Variants in AGMO observed in about 807,000 individuals in gnomAD.
AGMO encodes the protein alkylglycerol monooxygenase, also known as glyceryl-ether monooxygenase.
Under a neutral mutation model 60.2 loss-of-function variants are expected in AGMO, and 75 were observed. The ratio of observed to expected loss-of-function variants is 1.25; its 90% confidence interval spans 1.03 to 1.51. The LOEUF (loss-of-function observed/expected upper bound fraction) is 1.51. Ranked by LOEUF, AGMO falls within the 40% of genes most tolerant of loss-of-function variation. AGMO has a pLI of 0.00. For synonymous variants in AGMO, 261 were observed against 177.1 expected, an observed-to-expected ratio of 1.47 and a Z score of -3.76; for missense variants, 763 against 525.5, an observed-to-expected ratio of 1.45 and a Z score of -4.42.
At chr7:15,555,494 A>G (rs1026948774) in intron 2 of AGMO, among the ~76,000 whole-genome samples, 8 of 151,778 alleles carry the variant, frequency 5.3e-5, no homozygotes, top group African/African-American at 1.9e-4. Context: ...TTGCTTGGTA[A>G]TAATAAGAAA....
intron 3 of AGMO, among the ~76,000 whole-genome samples, chr7:15,474,859 C>A (rs867989589): frequency 3.3e-4 from 50 of 150,622 alleles, no homozygotes; most frequent in Admixed American, 7.3e-4. Context: ...ATAAAAAAAA[C>A]AACCCCATCA....
chr7:15,531,349 A>G (rs1240196761), intron 3 of AGMO, among the ~76,000 whole-genome samples: 5 of 77,020 alleles, frequency 6.5e-5, no homozygotes, highest in Admixed American at 1.8e-4. Context: ...TATATATTCT[A>G]TATATATTCT....
In AGMO at chr7:15,433,778, G is replaced by A. The variant is rs367881764; in HGVS notation, c.410-2670C>T. ...AAAATTATAGATTATATTAATATAT[G>A]TATATGTTATTATAATTTTTCCATG... On this transcript the variant is annotated intron_variant, in intron 3 of 12. Transcript: ENST00000342526. Among the ~76,000 whole-genome samples, 809 of 150,816 alleles carry A rather than the reference G, an allele frequency of 5.4e-3. 9 individuals are homozygous for A. Among genetic ancestry groups the A allele is most frequent in the African/African-American group, 0.019 (769 of 41,194 alleles).
the AGMO span, among the ~76,000 whole-genome samples, chr7:15,131,828 A>C: frequency 3.3e-5 from 5 of 151,792 alleles, no homozygotes; most frequent in African/African-American, 1.2e-4. Context: ...CATGGAAGCC[A>C]AAAGGAGACA....
intron 12 of AGMO, among the ~76,000 whole-genome samples, chr7:15,334,183 T>C (rs1194583818): frequency 6.6e-6 from 1 of 152,040 alleles, no homozygotes; most frequent in Non-Finnish European, 1.5e-5. Context: ...AAAATAAGGA[T>C]TCACAAAGCA....
chr7:15,269,886 C>T (rs1242832028), intron 12 of AGMO, among the ~76,000 whole-genome samples: 1 of 151,982 alleles, frequency 6.6e-6, no homozygotes, highest in African/African-American at 2.4e-5. Context: ...TCTGAGCTAT[C>T]TCACTAAGGA....
At chr7:15,495,997 G>A (rs1783220705) in intron 3 of AGMO, among the ~76,000 whole-genome samples, 1 of 152,078 alleles carries the variant, frequency 6.6e-6, no homozygotes, top group Admixed American at 6.5e-5. Flanking sequence ...TACCATTACT[G>A]GAGATTACAG....
intron 12 of AGMO, among the ~76,000 whole-genome samples, chr7:15,237,200 G>A (rs1782448812): frequency 6.6e-6 from 1 of 152,088 alleles, no homozygotes; most frequent in Non-Finnish European, 1.5e-5. Context: ...GATTCCAGAA[G>A]CAGCAGCTGA....
chr7:15,387,301 C>T (rs1224562339), intron 9 of AGMO, 105 bp downstream of exon 9: 2 of 1,316,634 alleles, frequency 1.5e-6, no homozygotes, highest in African/African-American at 1.5e-5. Context: ...ACTGGGGGAA[C>T]ATCTTTTTAC....
At chr7:15,370,466 A>C (rs1034203108) in intron 10 of AGMO, among the ~76,000 whole-genome samples, 1 of 152,226 alleles carries the variant, frequency 6.6e-6, no homozygotes, top group African/African-American at 2.4e-5. Context: ...AGAAATTTCC[A>C]AACTGCTTTC....
chr7:15,150,968 C>A, the AGMO span, among the ~76,000 whole-genome samples: 1 of 151,896 alleles, frequency 6.6e-6, no homozygotes, highest in Admixed American at 6.6e-5. Context: ...CTGGTTGGTA[C>A]ATTTTTATTA....
intron 3 of AGMO, among the ~76,000 whole-genome samples, chr7:15,525,609 T>A (rs1265823543): frequency 2.0e-5 from 3 of 152,092 alleles, no homozygotes; most frequent in Non-Finnish European, 4.4e-5. Context: ...CAGGGAGATC[T>A]CATTCTTCTT....
Position 15,388,362 on chromosome 7 carries a change from G to C in AGMO, c.823-822C>G, listed in dbSNP as rs114619147. 9.9e-3 allele frequency among the ~76,000 whole-genome samples: 1,511 copies of C among 152,180 alleles called. 18 individuals carry two copies. The highest frequency in any genetic ancestry group is 0.033 in the African/African-American group (1,382 of 41,522). ...AAAAATTGCAACCTCAGGCATATGG[G>C]TTAATGGAATAGATCTGAGGAATAG... On this transcript the variant is annotated intron_variant, in intron 8 of 12. Transcript: ENST00000342526.
intron 3 of AGMO, among the ~76,000 whole-genome samples, chr7:15,468,320 C>T (rs897196503): frequency 2.0e-5 from 3 of 152,106 alleles, no homozygotes; most frequent in Non-Finnish European, 4.4e-5. Flanking sequence ...GATTACTATA[C>T]CAAGAAATTT....
At chr7:15,257,762 G>A (rs1255284437) in intron 12 of AGMO, among the ~76,000 whole-genome samples, 5 of 152,136 alleles carry the variant, frequency 3.3e-5, no homozygotes, top group Non-Finnish European at 5.9e-5. Flanking sequence ...AGGCAAGGAA[G>A]GATTTAATAG....
intron 4 of AGMO, among the ~76,000 whole-genome samples, chr7:15,424,857 G>C (rs1322200886): frequency 1.3e-5 from 2 of 152,114 alleles, no homozygotes. Flanking sequence ...GCATTCAAAT[G>C]CATTACATCA....
rs79264542 is a variant in AGMO, at chr7:15,389,034, C to T, written c.823-1494G>A. ...ACTAATCATCCCACTATGTGTGCAG[C>T]TCTTATTGTATTTAATATTCACTTT... On this transcript the variant is annotated intron_variant, in intron 8 of 12. Coordinates refer to ENST00000342526, the MANE Select transcript of AGMO (RefSeq NM_001004320.2). 8.0e-3 allele frequency among the ~76,000 whole-genome samples: 1,219 copies of T among 152,262 alleles called. 5 individuals are homozygous for T. The highest frequency in any genetic ancestry group is 0.013 in the Non-Finnish European group (876 of 68,022).
chr7:15,334,524 T>C, intron 12 of AGMO, among the ~76,000 whole-genome samples: 1 of 152,112 alleles, frequency 6.6e-6, no homozygotes, highest in East Asian at 1.9e-4. Flanking sequence ...AGATTATTTC[T>C]TCATCAGAAT....
intron 12 of AGMO, among the ~76,000 whole-genome samples, chr7:15,237,486 GT>G (rs531005132): frequency 1.6e-4 from 24 of 147,954 alleles, no homozygotes; most frequent in African/African-American, 3.2e-4. Flanking sequence ...CCTAGAGAGT[GT>G]TTTTTTTTTC....
Sources: allele counts gnomAD v4.1 joint callset (sites outside exome capture counted in the v4.1 genomes callset), GRCh38; gene constraint gnomAD v4.1.1; transcripts MANE v1.5; gene names NCBI Gene and HGNC (gene_info 2026-07-23, HGNC 2026-07-21).